The following ARHGEF28 variants were observed in gnomAD, a reference collection of about 807,000 sequenced individuals.
ARHGEF28 encodes the protein 190 kDa guanine nucleotide exchange factor.
Under a neutral mutation model 206.6 loss-of-function variants are expected in ARHGEF28, and 152 were observed. The ratio of observed to expected loss-of-function variants is 0.74; its 90% CI spans 0.64 to 0.84. The LOEUF is 0.84. Ranked by LOEUF, ARHGEF28 falls within the 40% of genes least tolerant of loss-of-function variation. The pLI is 0.00. For missense variants in ARHGEF28, 2,028 were observed against 2,073.2 expected (o/e 0.98, Z 0.42); for synonymous variants, 763 against 776.4 (o/e 0.98, Z 0.29).
chr5:73,743,136 G>T (rs1448314407), intron 2 of ARHGEF28, among the ~76,000 whole-genome samples: 1 of 151,916 alleles, frequency 6.6e-6, no homozygotes, highest in Non-Finnish European at 1.5e-5. Flanking sequence ...ATTTCTTCTT[G>T]AGTAACTTCC....
chr5:73,686,399 A>G (rs935716578), intron 2 of ARHGEF28, among the ~76,000 whole-genome samples: 2 of 152,162 alleles, frequency 1.3e-5, no homozygotes, highest in African/African-American at 2.4e-5. Context: ...TATTTTGACC[A>G]TAGACTTACT....
chr5:73,861,061 A>G (rs913304155), intron 16 of ARHGEF28, among the ~76,000 whole-genome samples: 10 of 152,170 alleles, frequency 6.6e-5, no homozygotes, highest in Admixed American at 3.9e-4. Context: ...TATCACTTTC[A>G]TATCCATTTA....
At chr5:73,877,158 A>G (rs1760563058) in intron 22 of ARHGEF28, among the ~76,000 whole-genome samples, 1 of 147,230 alleles carries the variant, frequency 6.8e-6, no homozygotes, top group South Asian at 2.2e-4. Flanking sequence ...GGAAGAGTGT[A>G]TGTGTCGAGG....
chr5:73,728,307 A>G (rs1340220454), intron 2 of ARHGEF28, among the ~76,000 whole-genome samples: 2 of 152,216 alleles, frequency 1.3e-5, no homozygotes, highest in Non-Finnish European at 2.9e-5. Context: ...AGAAATGGTC[A>G]GGCTAGTGGC....
At chr5:73,737,081 C>T (rs1750984196) in intron 2 of ARHGEF28, among the ~76,000 whole-genome samples, 1 of 152,064 alleles carries the variant, frequency 6.6e-6, no homozygotes, top group African/African-American at 2.4e-5. Flanking sequence ...GTGAAACCTC[C>T]CCACCCCCAC....
Position 73,901,217 on chromosome 5 carries a change from G to A in ARHGEF28, c.4007G>A (p.Cys1336Tyr). The change falls in exon 31 of 36, where the codon TGT (cysteine) becomes TAT (tyrosine). Residue 1336 changes from cysteine (C) to tyrosine (Y), a missense_variant. Coordinates refer to ENST00000513042, the MANE Select transcript of ARHGEF28 (RefSeq NM_001177693.2). ...LVTGGREGRG[C>Y]SDVDPGIQGV... Reference sequence around the variant, plus strand: ...ACAGGAGGGAGAGAAGGAAGAGGCTGTTCGGATGTGGATCCCGGGATCCAG... The same window carrying A: ...ACAGGAGGGAGAGAAGGAAGAGGCTATTCGGATGTGGATCCCGGGATCCAG... 6.2e-7 allele frequency: 1 copy of A among 1,613,476 alleles called. No individual in the cohort carries two copies. The highest frequency in any genetic ancestry group is 8.5e-7 in the Non-Finnish European group (1 of 1,179,638).
At chr5:73,756,279 A>G (rs1580573961) in intron 4 of ARHGEF28, among the ~76,000 whole-genome samples, 3 of 152,228 alleles carry the variant, frequency 2.0e-5, no homozygotes, top group Admixed American at 2.0e-4. Flanking sequence ...TATAGAGTGT[A>G]TTGTATGTAC....
intron 10 of ARHGEF28, among the ~76,000 whole-genome samples, chr5:73,832,753 C>A (rs1395115357): frequency 6.6e-6 from 1 of 152,122 alleles, no homozygotes; most frequent in Non-Finnish European, 1.5e-5. Flanking sequence ...GAAATGACAA[C>A]TGTGCAACCA....
intron 9 of ARHGEF28, among the ~76,000 whole-genome samples, chr5:73,800,032 A>G (rs1755042749): frequency 6.6e-6 from 1 of 152,214 alleles, no homozygotes; most frequent in Non-Finnish European, 1.5e-5. Flanking sequence ...TTCTATAATT[A>G]TAGAAATAAT....
intron 4 of ARHGEF28, among the ~76,000 whole-genome samples, chr5:73,768,851 T>A (rs1753056547): frequency 6.6e-6 from 1 of 152,006 alleles, no homozygotes; most frequent in Admixed American, 6.6e-5. Flanking sequence ...CTCCCACAAT[T>A]CCCATGTATC....
chr5:73,649,466 G>A (rs1272189294), intron 1 of ARHGEF28, among the ~76,000 whole-genome samples: 1 of 152,112 alleles, frequency 6.6e-6, no homozygotes, highest in Non-Finnish European at 1.5e-5. Flanking sequence ...TTTCATTGTG[G>A]CCCTTTTTAA....
chr5:73,842,462 G>A (rs570341193), intron 11 of ARHGEF28, among the ~76,000 whole-genome samples: 2 of 152,270 alleles, frequency 1.3e-5, no homozygotes, highest in African/African-American at 4.8e-5. Context: ...CAAGGGTTAT[G>A]TGTGATGTGT....
At chr5:73,728,639 G>C (rs1241001745) in intron 2 of ARHGEF28, among the ~76,000 whole-genome samples, 1 of 152,164 alleles carries the variant, frequency 6.6e-6, no homozygotes, top group Non-Finnish European at 1.5e-5. Flanking sequence ...GTGGCACCCT[G>C]TACTAAATAC....
intron 35 of ARHGEF28, among the ~76,000 whole-genome samples, chr5:73,923,726 C>T (rs1462342611): frequency 1.4e-4 from 21 of 152,138 alleles, no homozygotes; most frequent in Non-Finnish European, 1.5e-5. Flanking sequence ...ACTTACAGGA[C>T]TTCTGGTGGT....
At chr5:73,670,500 A>C (rs550763818) in intron 1 of ARHGEF28, among the ~76,000 whole-genome samples, 1 of 152,114 alleles carries the variant, frequency 6.6e-6, no homozygotes, top group African/African-American at 2.4e-5. Context: ...AACACATTTT[A>C]TTTCTCCAAG....
intron 2 of ARHGEF28, among the ~76,000 whole-genome samples, chr5:73,715,757 C>T (rs561334622): frequency 9.2e-5 from 14 of 152,262 alleles, no homozygotes; most frequent in African/African-American, 3.1e-4. Context: ...TATCGTGATA[C>T]GCTGTTCACT....
intron 2 of ARHGEF28, among the ~76,000 whole-genome samples, chr5:73,720,245 A>G (rs1292595740): frequency 6.6e-6 from 1 of 152,226 alleles, no homozygotes; most frequent in Non-Finnish European, 1.5e-5. Context: ...AGAAGGGTCA[A>G]ATTACCCCAT....
chr5:73,652,970 A>G (rs918154861), intron 1 of ARHGEF28, among the ~76,000 whole-genome samples: 5 of 152,238 alleles, frequency 3.3e-5, no homozygotes, highest in Non-Finnish European at 2.9e-5. Context: ...CTTCTTGGAA[A>G]GAAAGATGCC....
At chr5:73,795,215 C>A in intron 8 of ARHGEF28, 116 bp from the exon 9 acceptor site, 3 of 892,450 alleles carry the variant, frequency 3.4e-6, no homozygotes, top group Non-Finnish European at 5.3e-6. Flanking sequence ...TGTGATGATA[C>A]TTGTAACATG....
Sources: allele counts gnomAD v4.1 joint callset (sites outside exome capture counted in the v4.1 genomes callset), GRCh38; gene constraint gnomAD v4.1.1; transcripts MANE v1.5; gene names NCBI Gene and HGNC (gene_info 2026-07-23, HGNC 2026-07-21).